The following RTN4RL1 variants were observed in gnomAD, a reference collection of about 807,000 sequenced individuals.
RTN4RL1 encodes reticulon-4 receptor-like 1.
Under a neutral mutation model 25.6 loss-of-function variants are expected in RTN4RL1, and 7 were observed. The ratio of observed to expected loss-of-function variants is 0.27; its 90% CI spans 0.16 to 0.51. The LOEUF (loss-of-function observed/expected upper bound fraction) is 0.51. Among genes scored for constraint, RTN4RL1 ranks in the 20% least tolerant of loss-of-function variants. The pLI, the probability that RTN4RL1 is intolerant of heterozygous loss-of-function variation, is 0.97. For missense variants in RTN4RL1, 500 were observed against 615.6 expected (o/e 0.81, Z 1.99); for synonymous variants, 297 against 288.2 (o/e 1.03, Z -0.31).
intron 1 of RTN4RL1, among the ~76,000 whole-genome samples, chr17:2,014,853 C>G (rs1285293722): frequency 1.3e-5 from 2 of 151,108 alleles, no homozygotes; most frequent in African/African-American, 4.9e-5. Context: ...AAAAAAAGAA[C>G]ATGATTCAAT....
chr17:2,024,109 G>A (rs1437709011), intron 1 of RTN4RL1, among the ~76,000 whole-genome samples: 1 of 152,120 alleles, frequency 6.6e-6, no homozygotes, highest in Non-Finnish European at 1.5e-5. Flanking sequence ...CTTCCCCGGT[G>A]CCCGCACCAA....
chr17:2,000,399 G>A (rs2066951678), intron 1 of RTN4RL1, among the ~76,000 whole-genome samples: 1 of 152,148 alleles, frequency 6.6e-6, no homozygotes, highest in Non-Finnish European at 1.5e-5. Flanking sequence ...CCAGGCTGGA[G>A]TGCAGCGGCA....
At position 1,936,176 on chromosome 17, in the gene RTN4RL1, G is replaced by T; in HGVS notation, c.*320C>A. The T allele has an allele frequency of 8.6e-7, 1 of 1,160,756 alleles. No homozygotes were observed. The highest frequency in any genetic ancestry group is 1.1e-6 in the Non-Finnish European group (1 of 940,490). The allele number at this position is 1,160,756 out of a possible 1,614,324, so 71.9% of individuals were successfully genotyped here. ...TCCACAGAGCCCCGGTGCCGCCGTC[G>T]GGGGCAATTGTCCCACTGTTGCCAG... is the stretch of plus-strand genomic sequence containing the variant. On this transcript the variant is annotated 3_prime_UTR_variant, in exon 2 of 2. Transcript: ENST00000331238.
chr17:2,008,478 G>A (rs2067017718), intron 1 of RTN4RL1, among the ~76,000 whole-genome samples: 1 of 152,088 alleles, frequency 6.6e-6, no homozygotes, highest in Non-Finnish European at 1.5e-5. Flanking sequence ...CCCTGGGAGG[G>A]GTGAGCTTTC....
chr17:1,937,256 C>T lies in RTN4RL1; in HGVS notation c.566G>A (p.Gly189Asp), dbSNP rs776647226. 1.1e-5 allele frequency: 17 copies of T among 1,612,198 alleles called. No homozygotes were observed. Among genetic ancestry groups the T allele is most frequent in the Non-Finnish European group, 1.4e-5 (17 of 1,179,840 alleles). Reference sequence around the variant, plus strand: ...CACCAGGCCCCGGAAGGTGCCCGGGCCCAGACTCCACAGCTTGTTGCCGTG... The same window carrying T: ...CACCAGGCCCCGGAAGGTGCCCGGGTCCAGACTCCACAGCTTGTTGCCGTG... ...FLHGNKLWSLGPGTFRGLVNL... is the reference protein window; with the variant it reads ...FLHGNKLWSLDPGTFRGLVNL... The change falls in exon 2 of 2, where the codon GGC (glycine) becomes GAC (aspartate). Residue 189 changes from glycine to aspartate, a missense_variant. Around this residue, in one of 2 missense-constraint regions of RTN4RL1, gnomAD observed 232 missense variants for 341.1 expected, o/e 0.68. Transcript: ENST00000331238.
At chr17:1,942,180 C>T (rs1220281049) in intron 1 of RTN4RL1, among the ~76,000 whole-genome samples, 4 of 152,172 alleles carry the variant, frequency 2.6e-5, no homozygotes, top group African/African-American at 9.6e-5. Context: ...TCCCCCTGCT[C>T]CTCCTCTCCT....
At chr17:1,938,244 T>C (rs1056361249) in intron 1 of RTN4RL1, among the ~76,000 whole-genome samples, 8 of 152,222 alleles carry the variant, frequency 5.3e-5, no homozygotes, top group Admixed American at 2.6e-4. Context: ...TGCTCTAATG[T>C]AGTAAATATC....
intron 1 of RTN4RL1, among the ~76,000 whole-genome samples, chr17:1,958,725 C>T (rs1256047833): frequency 4.6e-5 from 7 of 152,220 alleles, no homozygotes; most frequent in Non-Finnish European, 1.5e-5. Context: ...GCGTGCGGGC[C>T]GGCCGGCCAG....
intron 1 of RTN4RL1, among the ~76,000 whole-genome samples, chr17:1,938,598 A>C (rs897573878): frequency 6.7e-5 from 10 of 149,856 alleles, no homozygotes; most frequent in African/African-American, 2.0e-4. Flanking sequence ...GCGCCCGGCC[A>C]GAATCTCTTT....
At chr17:1,991,080 C>G (rs577153125) in intron 1 of RTN4RL1, among the ~76,000 whole-genome samples, 1 of 152,168 alleles carries the variant, frequency 6.6e-6, no homozygotes, top group African/African-American at 2.4e-5. Context: ...TGTAACCAAC[C>G]GAGTCGCAGA....
At chr17:1,963,913 G>C (rs1567511026) in intron 1 of RTN4RL1, among the ~76,000 whole-genome samples, 1 of 152,108 alleles carries the variant, frequency 6.6e-6, no homozygotes, top group African/African-American at 2.4e-5. Context: ...TTTTAGTAGA[G>C]ACAGGATTTC....
At chr17:2,017,096 C>T (rs1429389730) in intron 1 of RTN4RL1, among the ~76,000 whole-genome samples, 1 of 152,184 alleles carries the variant, frequency 6.6e-6, no homozygotes, top group Non-Finnish European at 1.5e-5. Context: ...GCCAATTTCC[C>T]CCCAGGGCCT....
intron 1 of RTN4RL1, among the ~76,000 whole-genome samples, chr17:1,986,894 C>T (rs1448326862): frequency 6.6e-6 from 1 of 152,056 alleles, no homozygotes; most frequent in Admixed American, 6.6e-5. Context: ...GGCCTGGGTT[C>T]CAGGCTTGGC....
chr17:1,954,954 A>G (rs1915760855), intron 1 of RTN4RL1, among the ~76,000 whole-genome samples: 1 of 152,214 alleles, frequency 6.6e-6, no homozygotes, highest in Non-Finnish European at 1.5e-5. Context: ...TTCCAGCCTC[A>G]GCTCACAGAT....
At chr17:1,961,983 G>GAAAGAAAAGA (rs1567510466) in intron 1 of RTN4RL1, among the ~76,000 whole-genome samples, 2 of 142,958 alleles carry the variant, frequency 1.4e-5, no homozygotes, top group African/African-American at 2.6e-5. Context: ...AGAAAAGAAA[G>GAAAGAAAAGA]AAAGAAAAGA....
chr17:1,996,137 T>C (rs776480553), intron 1 of RTN4RL1, among the ~76,000 whole-genome samples: 1 of 152,222 alleles, frequency 6.6e-6, no homozygotes, highest in Non-Finnish European at 1.5e-5. Context: ...CCCGGTACTC[T>C]CATCATCTGC....
chr17:1,980,647 T>TTAAA (rs2066863038), intron 1 of RTN4RL1, among the ~76,000 whole-genome samples: 1 of 151,992 alleles, frequency 6.6e-6, no homozygotes, highest in African/African-American at 2.4e-5. Context: ...ATGGGCCCGC[T>TTAAA]CAGCAACCTA....
intron 1 of RTN4RL1, among the ~76,000 whole-genome samples, chr17:2,000,201 C>G (rs1049781998): frequency 6.6e-5 from 10 of 152,246 alleles, no homozygotes; most frequent in Non-Finnish European, 1.2e-4. Flanking sequence ...CCGGCCAGGC[C>G]TTTCCTAGTT....
chr17:1,946,177 A>G (rs1320978751), intron 1 of RTN4RL1, among the ~76,000 whole-genome samples: 1 of 152,238 alleles, frequency 6.6e-6, no homozygotes, highest in African/African-American at 2.4e-5. Flanking sequence ...TGGGACTTTC[A>G]GTGCTAAAAC....
Sources: gnomAD v4.1 joint callset for allele counts (sites outside exome capture counted in the v4.1 genomes callset) on GRCh38, gnomAD v4.1.1 for gene constraint, gnomAD v4.1.1 regional missense constraint, MANE v1.5 for transcripts, NCBI Gene and HGNC (gene_info 2026-07-23, HGNC 2026-07-21) for gene names.